The following OLFM3 variants were observed in gnomAD, a reference collection of about 807,000 sequenced individuals.
OLFM3 encodes the protein olfactomedin 3.
Under a neutral mutation model 48.6 loss-of-function variants are expected in OLFM3, and 20 were observed. The ratio of observed to expected loss-of-function variants is 0.41; its 90% confidence interval spans 0.29 to 0.60. OLFM3 has a LOEUF of 0.60. OLFM3 is among the 20% of genes least tolerant of loss of function. OLFM3 has a pLI of 0.28. For synonymous variants in OLFM3, 222 were observed against 198.1 expected (o/e 1.12, Z -1.01); for missense variants, 437 against 544.3 (o/e 0.80, Z 1.96).
intron 1 of OLFM3, among the ~76,000 whole-genome samples, chr1:101,951,850 A>T (rs185905311): frequency 4.6e-5 from 7 of 152,324 alleles, no homozygotes; most frequent in Admixed American, 2.6e-4. Context: ...TAATGAAAGG[A>T]TTGCCACTGC....
intron 1 of OLFM3, among the ~76,000 whole-genome samples, chr1:101,964,703 C>A (rs567189226): frequency 1.3e-5 from 2 of 152,130 alleles, no homozygotes; most frequent in Non-Finnish European, 2.9e-5. Flanking sequence ...GTTCTTCACT[C>A]CTTGCAAGTA....
intron 4 of OLFM3, among the ~76,000 whole-genome samples, chr1:101,821,066 T>C (rs1654587127): frequency 6.6e-6 from 1 of 152,086 alleles, no homozygotes; most frequent in Admixed American, 6.6e-5. Context: ...TATGCTTTTC[T>C]TTCTCTACCC....
chr1:101,814,556 A>T (rs1029886214), intron 4 of OLFM3, among the ~76,000 whole-genome samples: 1 of 152,126 alleles, frequency 6.6e-6, no homozygotes, highest in Non-Finnish European at 1.5e-5. Flanking sequence ...TTGACAAGAG[A>T]AGGACATTTA....
chr1:101,990,989 T>TAAAAA lies in OLFM3; in HGVS notation c.69+5754_69+5758dup, dbSNP rs58481588. ...GACAGAGCGAGACTCTGTCAAAAAG[T>TAAAAA]AAAAAAAAAAAAAAAAAAAAAAAAA... On this transcript the variant is annotated intron_variant, in intron 1 of 5. Transcript: ENST00000370103. 9.5e-3 allele frequency among the ~76,000 whole-genome samples: 85 copies of TAAAAA among 8,906 alleles called. 10 individuals carry two copies. Among genetic ancestry groups the TAAAAA allele is most frequent in the East Asian group, 0.047 (13 of 276 alleles). The allele number at this position is 8,906 out of a possible 152,430, so 5.8% of individuals were successfully genotyped here.
At chr1:101,965,873 G>C (rs1041137996) in intron 1 of OLFM3, among the ~76,000 whole-genome samples, 5 of 152,152 alleles carry the variant, frequency 3.3e-5, no homozygotes, top group Non-Finnish European at 5.9e-5. Context: ...GCTGATCATT[G>C]CCTTTTGGTT....
At chr1:101,932,139 A>G (rs1286641381) in intron 1 of OLFM3, among the ~76,000 whole-genome samples, 2 of 152,262 alleles carry the variant, frequency 1.3e-5, no homozygotes, top group Non-Finnish European at 2.9e-5. Context: ...TGGAAATACT[A>G]TATTCTCTGT....
At chr1:101,826,100 G>C (rs1258425303) in intron 3 of OLFM3, among the ~76,000 whole-genome samples, 1 of 149,328 alleles carries the variant, frequency 6.7e-6, no homozygotes, top group Admixed American at 6.7e-5. Flanking sequence ...ACACAGAGTT[G>C]TTTGAAACTG....
chr1:101,858,096 A>G (rs1656503377), intron 1 of OLFM3, among the ~76,000 whole-genome samples: 1 of 152,116 alleles, frequency 6.6e-6, no homozygotes, highest in South Asian at 2.1e-4. Context: ...ATAGTATATT[A>G]TTCATGTGAA....
chr1:101,896,693 T>C (rs1168766922), intron 1 of OLFM3, among the ~76,000 whole-genome samples: 1 of 119,054 alleles, frequency 8.4e-6, no homozygotes, highest in South Asian at 2.5e-4. Context: ...TTTTTTTTTT[T>C]AGTAGAGACG....
At chr1:101,956,757 TA>T (rs1660309148) in intron 1 of OLFM3, among the ~76,000 whole-genome samples, 1 of 151,762 alleles carries the variant, frequency 6.6e-6, no homozygotes, top group African/African-American at 2.4e-5. Flanking sequence ...TAGTAAAAAA[TA>T]AAAACATGTA....
chr1:101,843,962 T>C (rs1655859142), intron 1 of OLFM3, among the ~76,000 whole-genome samples: 1 of 152,224 alleles, frequency 6.6e-6, no homozygotes, highest in African/African-American at 2.4e-5. Flanking sequence ...ATCCCATTCA[T>C]ACTGTTTAAA....
intron 4 of OLFM3, among the ~76,000 whole-genome samples, chr1:101,821,822 C>T (rs760584356): frequency 6.6e-6 from 1 of 151,876 alleles, no homozygotes; most frequent in Non-Finnish European, 1.5e-5. Context: ...AGTTGAATAC[C>T]GATTTTATTG....
At chr1:101,841,858 A>T (rs1047370830) in intron 1 of OLFM3, among the ~76,000 whole-genome samples, 2 of 152,222 alleles carry the variant, frequency 1.3e-5, no homozygotes, top group South Asian at 2.1e-4. Context: ...GCCTAAATAA[A>T]TCTGTTTATT....
At chr1:101,857,366 A>G (rs953163335) in intron 1 of OLFM3, among the ~76,000 whole-genome samples, 1 of 151,950 alleles carries the variant, frequency 6.6e-6, no homozygotes, top group Non-Finnish European at 1.5e-5. Context: ...TCAAAATTAC[A>G]AACAAACATT....
chr1:101,812,313 ACCT>A (rs1405837812), intron 4 of OLFM3: 50 of 566,878 alleles, frequency 8.8e-5, no homozygotes, highest in Non-Finnish European at 1.0e-4. Flanking sequence ...GTGCACATGT[ACCT>A]TAGAACTTAA....
chr1:101,983,857 C>G (rs528373562), intron 1 of OLFM3, among the ~76,000 whole-genome samples: 1 of 152,146 alleles, frequency 6.6e-6, no homozygotes, highest in South Asian at 2.1e-4. Context: ...GTTTTCTAAA[C>G]AAAATTGCTT....
intron 1 of OLFM3, among the ~76,000 whole-genome samples, chr1:101,946,872 G>A (rs1378195168): frequency 2.0e-5 from 3 of 152,224 alleles, no homozygotes; most frequent in East Asian, 1.9e-4. Context: ...AACAAGTGAA[G>A]CATAAATACA....
At chr1:101,949,649 G>T (rs1660060054) in intron 1 of OLFM3, among the ~76,000 whole-genome samples, 1 of 152,066 alleles carries the variant, frequency 6.6e-6, no homozygotes, top group Non-Finnish European at 1.5e-5. Context: ...CCTCTGATAC[G>T]GCCTGGCGCG....
intron 1 of OLFM3, among the ~76,000 whole-genome samples, chr1:101,924,649 A>G (rs1262336852): frequency 6.6e-6 from 1 of 152,176 alleles, no homozygotes; most frequent in African/African-American, 2.4e-5. Flanking sequence ...AAATATTTCC[A>G]CTTGCATCCT....
Sources: allele counts gnomAD v4.1 joint callset (sites outside exome capture counted in the v4.1 genomes callset), GRCh38; gene constraint gnomAD v4.1.1; transcripts MANE v1.5; gene names NCBI Gene and HGNC (gene_info 2026-07-23, HGNC 2026-07-21).